Variants in SYNDIG1L observed in about 807,000 individuals in gnomAD.
SYNDIG1L encodes the protein synapse differentiation inducing 1 like.
In SYNDIG1L, 13 loss-of-function variants were observed where a neutral mutation model predicts 20.1. The observed-to-expected ratio is 0.65, with a 90% CI of 0.42 to 1.03. SYNDIG1L has a LOEUF of 1.03. SYNDIG1L is among the 50% of genes least tolerant of loss of function. The pLI is 0.00. For missense variants in SYNDIG1L, 294 were observed against 305.1 expected (o/e 0.96, Z 0.27); for synonymous variants, 128 against 129.3 (o/e 0.99, Z 0.07).
At chr14:74,472,102 C>T in the SYNDIG1L span, 9 of 152,348 alleles carry the variant, frequency 5.9e-5, no homozygotes, top group African/African-American at 2.2e-4. Flanking sequence ...TACTATCTTA[C>T]ACCCAAGGAA....
the SYNDIG1L span, among the ~76,000 whole-genome samples, chr14:74,437,004 AC>A: frequency 4.0e-5 from 6 of 151,882 alleles, no homozygotes; most frequent in African/African-American, 1.5e-4. Context: ...TTTACATCAT[AC>A]TTGTCTCTCC....
Position 74,418,954 on chromosome 14 carries a change from G to A in SYNDIG1L, c.-58+6958C>T, listed in dbSNP as rs993656278. ...CCTGCATTTCTGACCCTCCGAAGTCGTGAAGTATAATAAAATGTCTGTTGT... is the reference window on the plus strand; with the variant it reads ...CCTGCATTTCTGACCCTCCGAAGTCATGAAGTATAATAAAATGTCTGTTGT... On this transcript the variant is annotated intron_variant, in intron 1 of 3. Coordinates refer to ENST00000331628, the MANE Select transcript of SYNDIG1L (RefSeq NM_001105579.2). Among the ~76,000 whole-genome samples the A allele has an allele frequency of 4.6e-5, 7 of 152,176 alleles. No homozygotes were observed. In the South Asian group the frequency reaches 1.2e-3, roughly 27 times the overall value.
At chr14:74,421,429 T>C (rs182920325) in intron 1 of SYNDIG1L, among the ~76,000 whole-genome samples, 4 of 152,214 alleles carry the variant, frequency 2.6e-5, no homozygotes, top group Admixed American at 2.6e-4. Flanking sequence ...ATCAATCTAA[T>C]AGGAGTTTCA....
the SYNDIG1L span, among the ~76,000 whole-genome samples, chr14:74,467,731 T>C: frequency 2.6e-5 from 4 of 151,936 alleles, no homozygotes; most frequent in Non-Finnish European, 5.9e-5. Context: ...AGTAGGAGCA[T>C]GGATTGAAAG....
chr14:74,457,027 C>G, the SYNDIG1L span, among the ~76,000 whole-genome samples: 3 of 152,154 alleles, frequency 2.0e-5, no homozygotes, highest in African/African-American at 7.2e-5. Flanking sequence ...TTTGCCACAA[C>G]GGTCTGAGTG....
the SYNDIG1L span, among the ~76,000 whole-genome samples, chr14:74,455,857 T>G: frequency 6.6e-6 from 1 of 152,264 alleles, no homozygotes; most frequent in African/African-American, 2.4e-5. Flanking sequence ...CCAACTGTGC[T>G]GTTCTCCCTC....
the SYNDIG1L span, among the ~76,000 whole-genome samples, chr14:74,443,070 G>T: frequency 6.6e-6 from 1 of 152,208 alleles, no homozygotes; most frequent in Non-Finnish European, 1.5e-5. Flanking sequence ...AATTAGCACA[G>T]ACAGTAATCA....
chr14:74,426,925 C>T (rs188548041), upstream of SYNDIG1L, among the ~76,000 whole-genome samples: 295 of 152,090 alleles, frequency 1.9e-3, no homozygotes, highest in Admixed American at 3.3e-3. Context: ...CCTCAGGTTC[C>T]TCATGGACAA....
chr14:74,426,486 G>A (rs1370037265), upstream of SYNDIG1L, among the ~76,000 whole-genome samples: 2 of 152,152 alleles, frequency 1.3e-5, no homozygotes, highest in East Asian at 3.9e-4. Flanking sequence ...AGAGCGATGG[G>A]AGGCCCTTGG....
chr14:74,480,000 G>A, the SYNDIG1L span: 3 of 1,411,814 alleles, frequency 2.1e-6, no homozygotes, highest in Non-Finnish European at 2.8e-6. Flanking sequence ...GGTGTAGAAA[G>A]AGGCCACAAG....
intron 1 of SYNDIG1L, among the ~76,000 whole-genome samples, chr14:74,413,026 G>C (rs1460097298): frequency 6.6e-6 from 1 of 152,200 alleles, no homozygotes; most frequent in Non-Finnish European, 1.5e-5. Flanking sequence ...GTCTCACCAG[G>C]AGGACTGCCC....
the SYNDIG1L span, among the ~76,000 whole-genome samples, chr14:74,438,602 C>G: frequency 6.6e-6 from 1 of 152,200 alleles, no homozygotes; most frequent in Admixed American, 6.5e-5. Context: ...GACACACAGA[C>G]TGAAAAATTA....
upstream of SYNDIG1L, among the ~76,000 whole-genome samples, chr14:74,430,800 C>A (rs2086297520): frequency 6.6e-6 from 1 of 152,148 alleles, no homozygotes; most frequent in Non-Finnish European, 1.5e-5. Flanking sequence ...TACTCTGTCA[C>A]CCAGGCTGGA....
chr14:74,473,464 G>C, the SYNDIG1L span, among the ~76,000 whole-genome samples: 44 of 152,272 alleles, frequency 2.9e-4, no homozygotes, highest in African/African-American at 1.0e-3. Flanking sequence ...GATAAATAAA[G>C]ACCTAGTACA....
the SYNDIG1L span, among the ~76,000 whole-genome samples, chr14:74,462,688 CAG>C: frequency 6.6e-6 from 1 of 151,888 alleles, no homozygotes; most frequent in Non-Finnish European, 1.5e-5. Context: ...GTATTTTTTA[CAG>C]AGACAGGGTT....
Position 74,415,982 on chromosome 14 carries a change from T to A in SYNDIG1L, c.-57-6181A>T, listed in dbSNP as rs533805573. Among the ~76,000 whole-genome samples, 162 of 152,218 alleles carry A rather than the reference T, an allele frequency of 1.1e-3. 1 individual carries two copies. The highest frequency in any genetic ancestry group is 3.8e-3 in the African/African-American group (159 of 41,536). On this transcript the variant is annotated intron_variant, in intron 1 of 3. Coordinates refer to ENST00000331628, the MANE Select transcript of SYNDIG1L (RefSeq NM_001105579.2). ...ATTGCCCAAAAAAAGACAAAGATAG[T>A]CATATAGTGTTTTATTCCACTTATT...
At chr14:74,444,131 G>T in the SYNDIG1L span, among the ~76,000 whole-genome samples, 1 of 151,886 alleles carries the variant, frequency 6.6e-6, no homozygotes, top group Non-Finnish European at 1.5e-5. Flanking sequence ...GTAATGGCGC[G>T]ATCTCAGTTT....
chr14:74,415,507 A>G (rs974989883), intron 1 of SYNDIG1L, among the ~76,000 whole-genome samples: 3 of 152,168 alleles, frequency 2.0e-5, no homozygotes, highest in Non-Finnish European at 4.4e-5. Context: ...GAGTAAAAAA[A>G]TGTATAACCA....
Position 74,409,348 on chromosome 14 carries a change from C to T in SYNDIG1L, c.397G>A (p.Asp133Asn). Reference sequence around the variant, plus strand: ...CTCACCTCCTCTTCCTCCTGGTCATCCTCCTGGTCCCGCAGCTCCTCTTGT... The same window carrying T: ...CTCACCTCCTCTTCCTCCTGGTCATTCTCCTGGTCCCGCAGCTCCTCTTGT... ...GVQEELRDQE[D>N]DQEEEESDAT... is the part of the protein sequence containing the mutation. The change falls in exon 2 of 4, where the codon GAT becomes AAT. Residue 133 changes from aspartate to asparagine, a missense_variant. By Grantham distance (23) the Asp-to-Asn change is conservative. Transcript: ENST00000331628. 1 of 1,563,744 alleles carries T rather than the reference C, an allele frequency of 6.4e-7. No individual in the cohort carries two copies. The highest frequency in any genetic ancestry group is 8.7e-7 in the Non-Finnish European group (1 of 1,154,450).
Sources: allele counts gnomAD v4.1 joint callset (sites outside exome capture counted in the v4.1 genomes callset), GRCh38; gene constraint gnomAD v4.1.1; transcripts MANE v1.5; gene names NCBI Gene and HGNC (gene_info 2026-07-23, HGNC 2026-07-21).